TRPA1: variants seen among roughly 807,000 people sequenced by gnomAD.
TRPA1 encodes the protein transient receptor potential cation channel subfamily A member 1.
In TRPA1, 129 loss-of-function variants were observed where a neutral mutation model predicts 131.3. That is an observed-to-expected ratio of 0.98 (90% CI 0.85 to 1.14). The LOEUF (loss-of-function observed/expected upper bound fraction) is 1.14, where lower values mean the gene tolerates loss of function less well. TRPA1 is among the 50% of genes most tolerant of loss of function. TRPA1 has a pLI of 0.00. For missense variants in TRPA1, 1,304 were observed against 1,354.2 expected (o/e 0.96, Z 0.58); for synonymous variants, 441 against 451.7 (o/e 0.98, Z 0.30).
chr8:72,036,244 T>TA, intron 21 of TRPA1, 44 bp downstream of exon 21: 1 of 1,598,794 alleles, frequency 6.3e-7, no homozygotes, highest in Non-Finnish European at 8.6e-7. Context: ...CTTTTGATAT[T>TA]AAAAATGCTT....
At chr8:72,068,465 T>A (rs1563404799) in intron 3 of TRPA1, among the ~76,000 whole-genome samples, 2 of 146,488 alleles carry the variant, frequency 1.4e-5, no homozygotes, top group East Asian at 4.1e-4. Flanking sequence ...AGTGGTATCC[T>A]TATGTCTTCT....
intron 3 of TRPA1, 29 bp downstream of exon 3, chr8:72,068,994 G>A (rs777852904): frequency 1.9e-6 from 3 of 1,613,956 alleles, no homozygotes; most frequent in Admixed American, 1.7e-5. Flanking sequence ...CCGCCGGTCA[G>A]GCCCTTTGGA....
chr8:72,037,914 T>C (rs536688666), intron 20 of TRPA1, 69 bp downstream of exon 20: 11 of 907,784 alleles, frequency 1.2e-5, no homozygotes, highest in Admixed American at 1.1e-4. Context: ...AAGTAATAGC[T>C]TATCAATTAA....
At chr8:72,056,885 T>G (rs1178064294) in intron 10 of TRPA1, 32 bp downstream of exon 10, 1 of 1,457,910 alleles carries the variant, frequency 6.9e-7, no homozygotes, top group Admixed American at 1.7e-5. Context: ...TGAACCCAAC[T>G]CAGTTAATGG....
chr8:72,052,849 A>T, intron 13 of TRPA1, 84 bp from the exon 14 acceptor site: 7 of 1,512,284 alleles, frequency 4.6e-6, no homozygotes, highest in Non-Finnish European at 6.4e-6. Flanking sequence ...AAAAGACATT[A>T]GCGACACTAT....
At chr8:72,039,619 T>C in intron 18 of TRPA1, 108 bp downstream of exon 18, 1 of 789,738 alleles carries the variant, frequency 1.3e-6, no homozygotes, top group Non-Finnish European at 2.1e-6. Flanking sequence ...AACATTAAAA[T>C]AACAAAAGCT....
At chr8:72,083,154 T>A in the TRPA1 span, among the ~76,000 whole-genome samples, 839 of 152,256 alleles carry the variant, frequency 5.5e-3, 8 homozygotes, top group Middle Eastern at 0.01. Flanking sequence ...TTAGTTTATA[T>A]TTATTAAAAT....
At position 72,039,727 on chromosome 8, in the gene TRPA1, C is replaced by T; in HGVS notation, c.2132G>A (p.Trp711Ter). ...ACAAGAAATACTACTCAATACCCAC[C>T]ATTTCATGAGTAAATATTCTTTACA... ...PVCKEYLLMK[W>*]LAYGFRAHMM... The change falls in exon 18 of 27, where the codon TGG becomes TAG. Residue 711 changes from tryptophan (W) to a stop codon, truncating the protein, a stop_gained and splice_region_variant. Coordinates refer to ENST00000262209, the MANE Select transcript of TRPA1 (RefSeq NM_007332.3). LOFTEE classifies it high-confidence loss of function. 6.3e-7 allele frequency: 1 copy of T among 1,592,586 alleles called. No homozygotes were observed. Among genetic ancestry groups the T allele is most frequent in the Non-Finnish European group, 8.6e-7 (1 of 1,161,224 alleles).
In TRPA1 at chr8:72,023,273, T is replaced by C. The variant is rs1811462608; in HGVS notation, c.3150-157A>G. ...ACAATCCTTCCAGGAAACATGTATT[T>C]TTGAAGTTTAAATGATTTTTCCCAA... On this transcript the variant is annotated intron_variant, in intron 26 of 26. Coordinates refer to ENST00000262209, the MANE Select transcript of TRPA1 (RefSeq NM_007332.3). 5 of 776,668 alleles carry C rather than the reference T, an allele frequency of 6.4e-6. No homozygotes were observed. In the African/African-American group the frequency reaches 8.7e-5, roughly 14 times the overall value. 48.1% of individuals were successfully genotyped at this position (776,668 alleles called of 1,614,324 possible).
intron 13 of TRPA1, chr8:72,053,041 GAGAA>G (rs1322183180): frequency 1.1e-4 from 39 of 347,026 alleles, no homozygotes; most frequent in African/African-American, 8.3e-4. Flanking sequence ...GAGAGAGAGA[GAGAA>G]TGAATTCCAA....
chr8:72,040,235 C>G (rs1368690210), intron 17 of TRPA1, among the ~76,000 whole-genome samples: 1 of 152,018 alleles, frequency 6.6e-6, no homozygotes, highest in Non-Finnish European at 1.5e-5. Context: ...TTATTTGTGA[C>G]TACTAGTATT....
chr8:72,056,750 C>A (rs1161106199), intron 10 of TRPA1, among the ~76,000 whole-genome samples, 167 bp downstream of exon 10: 3 of 152,102 alleles, frequency 2.0e-5, no homozygotes, highest in Admixed American at 1.3e-4. Context: ...TCACCACCAC[C>A]ACCATCACCA....
intron 1 of TRPA1, among the ~76,000 whole-genome samples, chr8:72,074,649 C>T (rs1011162559): frequency 1.3e-5 from 2 of 152,164 alleles, no homozygotes; most frequent in African/African-American, 4.8e-5. Flanking sequence ...GTAGCTAGTG[C>T]TGCCTTTAGG....
At chr8:72,042,082 A>C (rs1378095298) in intron 17 of TRPA1, among the ~76,000 whole-genome samples, 2 of 151,892 alleles carry the variant, frequency 1.3e-5, no homozygotes, top group African/African-American at 4.8e-5. Context: ...TTCAAGTCAA[A>C]GGAAGCAATG....
intron 19 of TRPA1, 70 bp downstream of exon 19, chr8:72,038,795 G>A: frequency 7.5e-7 from 1 of 1,340,176 alleles, no homozygotes. Flanking sequence ...TTTATTATGG[G>A]TTTAGTAGTC....
At chr8:72,038,647 C>A (rs1030251116) in intron 19 of TRPA1, 9 of 500,594 alleles carry the variant, frequency 1.8e-5, no homozygotes, top group African/African-American at 1.6e-4. Flanking sequence ...CATGTCAATT[C>A]TTTTTAAATT....
intron 19 of TRPA1, 75 bp from the exon 20 acceptor site, chr8:72,038,147 T>G (rs1305054911): frequency 3.7e-6 from 3 of 816,002 alleles, no homozygotes; most frequent in Non-Finnish European, 5.9e-6. Context: ...TTTTCACTAT[T>G]AAATTTCTTT....
At chr8:72,080,345 T>A (rs2587565), upstream of TRPA1, among the ~76,000 whole-genome samples, 2 of 151,612 alleles carry the variant, frequency 1.3e-5, no homozygotes, top group Admixed American at 6.6e-5. Context: ...AGTGGGTGTT[T>A]AATTTTGTCT....
At chr8:72,086,571 A>G in the TRPA1 span, among the ~76,000 whole-genome samples, 2 of 152,214 alleles carry the variant, frequency 1.3e-5, no homozygotes, top group Non-Finnish European at 2.9e-5. Flanking sequence ...AAATTGGAAG[A>G]TTTTGACGTT....
Sources: gnomAD v4.1 joint callset for allele counts (sites outside exome capture counted in the v4.1 genomes callset) on GRCh38, gnomAD v4.1.1 for gene constraint, MANE v1.5 for transcripts, NCBI Gene and HGNC (gene_info 2026-07-23, HGNC 2026-07-21) for gene names.